GALNS: variants seen among roughly 807,000 people sequenced by gnomAD.
The protein encoded by GALNS is galactosamine (N-acetyl)-6-sulfatase.
A neutral mutation model predicts 65.9 loss-of-function variants in GALNS; 65 were observed. That is an observed-to-expected ratio of 0.99 (90% CI 0.81 to 1.21). The LOEUF (loss-of-function observed/expected upper bound fraction) is 1.21, where lower values mean the gene tolerates loss of function less well. Ranked by LOEUF, GALNS falls within the 50% of genes most tolerant of loss-of-function variation. The probability of loss-of-function intolerance (pLI) is 0.00; values close to 1 mark genes in which losing one functional copy is unlikely to be tolerated. For synonymous variants in GALNS, 346 were observed against 288.9 expected, an observed-to-expected ratio of 1.20 and a Z score of -2.00; for missense variants, 776 against 700.7, an observed-to-expected ratio of 1.11 and a Z score of -1.21.
At chr16:88,839,392 A>C (rs1056981873) in intron 4 of GALNS, among the ~76,000 whole-genome samples, 3 of 152,236 alleles carry the variant, frequency 2.0e-5, no homozygotes, top group African/African-American at 7.2e-5. Context: ...ACGCTACACA[A>C]ATTAAGCTGT....
chr16:88,853,747 C>A (rs192688328), intron 1 of GALNS, among the ~76,000 whole-genome samples: 3 of 152,172 alleles, frequency 2.0e-5, no homozygotes, highest in Non-Finnish European at 4.4e-5. Context: ...CAGGGTACTA[C>A]GAAGCCAGGC....
At chr16:88,817,910 C>T (rs910737944) in intron 13 of GALNS, 97 bp downstream of exon 13, 1 of 1,045,028 alleles carries the variant, frequency 9.6e-7, no homozygotes, top group Non-Finnish European at 1.4e-6. Flanking sequence ...GGAAGCACGC[C>T]TGCCTCTGCC....
At chr16:88,853,027 G>T (rs1189033038) in intron 1 of GALNS, among the ~76,000 whole-genome samples, 1 of 152,082 alleles carries the variant, frequency 6.6e-6, no homozygotes, top group African/African-American at 2.4e-5. Flanking sequence ...GAGGCAGGCA[G>T]ATCACCTGAG....
rs1377912610 is a variant in GALNS, at chr16:88,814,497, A to G, written c.1511T>C (p.Leu504Ser). The change falls in exon 14 of 14, where the codon TTA (leucine) becomes TCA (serine). Residue 504 changes from leucine to serine, a missense_variant. Leu to Ser is a moderately radical substitution (Grantham distance 145). Coordinates refer to ENST00000268695, the MANE Select transcript of GALNS (RefSeq NM_000512.5). ...TTCTGGAGGTGTCAGACACTTCCCT[A>G]ACTTTTCACAGCCCGGAGGTGCCCA... ...MNWAPPGCEK[L>S]GKCLTPPESI... 1 of 1,561,054 alleles carries G rather than the reference A, an allele frequency of 6.4e-7. No homozygotes were observed. Among genetic ancestry groups the G allele is most frequent in the Non-Finnish European group, 8.7e-7 (1 of 1,151,838 alleles).
intron 12 of GALNS, among the ~76,000 whole-genome samples, chr16:88,821,857 G>A (rs973536753): frequency 1.3e-5 from 2 of 152,192 alleles, no homozygotes; most frequent in African/African-American, 4.8e-5. Flanking sequence ...CGATAGGGCA[G>A]GAATGCTGGA....
rs1242225233 is a variant in GALNS at position 88,856,660 on chromosome 16, C to A, written c.120+98G>T. The A allele has an allele frequency of 9.9e-4, 379 of 383,214 alleles. 4 individuals are homozygous for A. The highest frequency in any genetic ancestry group is 6.7e-3 in the South Asian group (338 of 50,416). The allele number at this position is 383,214 out of a possible 1,614,324, so 23.7% of individuals were successfully genotyped here. A position where few individuals can be genotyped will look rare whatever the true frequency, so the allele number is the denominator to read the frequency against. On this transcript the variant is annotated intron_variant, in intron 1 of 13. Coordinates refer to ENST00000268695, the MANE Select transcript of GALNS (RefSeq NM_000512.5). ...AGGGGCCTCCCCTCACCTCTCCCCC[C>A]ACCCCGCCCGCCCTTCCCCCACCTC...
At chr16:88,837,002 C>T (rs1912207733) in intron 5 of GALNS, among the ~76,000 whole-genome samples, 1 of 152,262 alleles carries the variant, frequency 6.6e-6, no homozygotes, top group South Asian at 2.1e-4. Flanking sequence ...GACTCCCACA[C>T]CTCCACGGGG....
intron 13 of GALNS, chr16:88,814,939 G>T: frequency 1.4e-6 from 1 of 703,126 alleles, no homozygotes; most frequent in Non-Finnish European, 1.7e-6. Flanking sequence ...CCCCAAGTTG[G>T]CCAGGCTGGT....
intron 1 of GALNS, among the ~76,000 whole-genome samples, chr16:88,851,141 G>C (rs1254524482): frequency 1.3e-5 from 2 of 152,188 alleles, no homozygotes; most frequent in Admixed American, 1.3e-4. Flanking sequence ...CCTCCCTGCA[G>C]AGTGAGCAGG....
At chr16:88,856,580 T>TC (rs1390574172) in intron 1 of GALNS, 178 bp downstream of exon 1, 11 of 425,796 alleles carry the variant, frequency 2.6e-5, no homozygotes, top group African/African-American at 1.9e-4. Context: ...CGCACGGGGA[T>TC]ACCCCCCGTC....
chr16:88,841,127 G>C, intron 3 of GALNS, 33 bp from the exon 4 acceptor site: 1 of 1,566,658 alleles, frequency 6.4e-7, no homozygotes. Flanking sequence ...GCCCCGAGGA[G>C]ACCCCGAGAA....
rs1470001240 is a variant in GALNS at position 88,815,369 on chromosome 16, CCT to C, written c.1483-846_1483-845del. 7 of 985,366 alleles carry C rather than the reference CCT, an allele frequency of 7.1e-6. No homozygotes were observed. The East Asian group carries it at 6.8e-4, about 96-fold the overall frequency. 61.0% of individuals were successfully genotyped at this position (985,366 alleles called of 1,614,324 possible). A position where few individuals can be genotyped will look rare whatever the true frequency, so the allele number is the denominator to read the frequency against. On this transcript the variant is annotated intron_variant, in intron 13 of 13. Coordinates refer to ENST00000268695, the MANE Select transcript of GALNS (RefSeq NM_000512.5). ...TCATCACCCTCTCCTGCAGCTTCAGCCTCTCAAGAAGCCTTTCCCAGGGAGAA... is the reference window on the plus strand; with the variant it reads ...TCATCACCCTCTCCTGCAGCTTCAGCCTCAAGAAGCCTTTCCCAGGGAGAA...
chr16:88,855,157 C>A, intron 1 of GALNS: 1 of 627,468 alleles, frequency 1.6e-6, no homozygotes. Context: ...TTATTTAACC[C>A]AACATAACCA....
intron 1 of GALNS, chr16:88,856,051 C>T (rs1967841830): frequency 1.5e-6 from 1 of 647,134 alleles, no homozygotes; most frequent in African/African-American, 1.8e-5. Context: ...TGCACGGTGA[C>T]CCATGCCCCA....
At chr16:88,840,681 G>C (rs1966922690) in intron 4 of GALNS, 2 of 436,016 alleles carry the variant, frequency 4.6e-6, no homozygotes, top group African/African-American at 2.0e-5. Context: ...GACGTGGCAG[G>C]AGGCAGCCGG....
At chr16:88,856,535 C>G (rs1256840395) in intron 1 of GALNS, 1 of 696,410 alleles carries the variant, frequency 1.4e-6, no homozygotes, top group Non-Finnish European at 2.6e-6. Context: ...CACGCCTGGA[C>G]CCCGCGGCCA....
chr16:88,815,111 G>T, intron 13 of GALNS: 15 of 985,478 alleles, frequency 1.5e-5, no homozygotes, highest in Non-Finnish European at 1.7e-5. Flanking sequence ...GACCACCTCG[G>T]TCCAGGTGGG....
intron 5 of GALNS, among the ~76,000 whole-genome samples, chr16:88,837,026 G>C (rs1205371117): frequency 6.6e-6 from 1 of 152,268 alleles, no homozygotes; most frequent in Non-Finnish European, 1.5e-5. Context: ...TATCTAGAAA[G>C]AGGCAGCAAG....
At chr16:88,841,174 C>G (rs963897433) in intron 3 of GALNS, 80 bp from the exon 4 acceptor site, 2 of 1,080,866 alleles carry the variant, frequency 1.9e-6, no homozygotes, top group African/African-American at 1.5e-5. Context: ...ACACTGGGGG[C>G]TGCGTCCACA....
Sources: allele counts gnomAD v4.1 joint callset (sites outside exome capture counted in the v4.1 genomes callset), GRCh38; gene constraint gnomAD v4.1.1; transcripts MANE v1.5; gene names NCBI Gene and HGNC (gene_info 2026-07-23, HGNC 2026-07-21).